The following ABCC10 variants were observed in gnomAD, a reference collection of about 807,000 sequenced individuals.
The protein encoded by ABCC10 is ATP binding cassette subfamily C member 10, also known as ATP-binding cassette sub-family C member 10.
Under a neutral mutation model 143.2 loss-of-function variants are expected in ABCC10, and 110 were observed. The ratio of observed to expected loss-of-function variants is 0.77; its 90% CI spans 0.66 to 0.90. The LOEUF is 0.90. ABCC10 is among the 40% of genes least tolerant of loss of function. The probability of loss-of-function intolerance (pLI) is 0.00; values close to 1 mark genes in which losing one functional copy is unlikely to be tolerated. For synonymous variants in ABCC10, 805 were observed against 846.7 expected (o/e 0.95, Z 0.85); for missense variants, 1,700 against 1,900.5 (o/e 0.89, Z 1.96).
chr6:43,429,434 T>C lies in ABCC10; in HGVS notation c.161+1295T>C, dbSNP rs150031068. On this transcript the variant is annotated intron_variant, in intron 2 of 21. Transcript: ENST00000372530. ...TGGCGGGGGGGAGGGGGGATTGTTA[T>C]TGTTGTTTTGTTTTTTGAGGCAGCG... 5.6e-3 allele frequency among the ~76,000 whole-genome samples: 803 copies of C among 142,792 alleles called. 5 individuals are homozygous for C. Among genetic ancestry groups the C allele is most frequent in the Non-Finnish European group, 8.5e-3 (560 of 65,794 alleles). The allele number at this position is 142,792 out of a possible 152,430, so 93.7% of individuals were successfully genotyped here.
Position 43,444,362 on chromosome 6 carries a change from G to A in ABCC10, c.2689+9G>A, listed in dbSNP as rs776327000. On this transcript the variant is annotated intron_variant, in intron 12 of 21. Coordinates refer to ENST00000372530, the MANE Select transcript of ABCC10 (RefSeq NM_001198934.2). ...TCTGCTTCTCATGCAAGGTGAGAGC[G>A]TGCCTGGGAGTCTCTTACATCGTAA... 1.3e-5 allele frequency: 21 copies of A among 1,590,818 alleles called. No individual in the cohort carries two copies. The highest frequency in any genetic ancestry group is 1.8e-5 in the Admixed American group (1 of 56,262).
chr6:43,429,832 A>G (rs1414873755), intron 2 of ABCC10, among the ~76,000 whole-genome samples: 2 of 152,186 alleles, frequency 1.3e-5, no homozygotes, highest in African/African-American at 4.8e-5. Context: ...CCTGGTCAAC[A>G]TGGTGAAACC....
Position 43,444,203 on chromosome 6 carries a change from C to G in ABCC10, c.2539C>G (p.Leu847Val), listed in dbSNP as rs148750882. ...VQNPEKTKEG[L>V]EEEQSTSGRL... ...GAACCCAGAGAAAACAAAGGAGGGG[C>G]TGGAGGAGGAGCAGAGCACATCTGG... Residue 847 changes from leucine (L) to valine (V), a missense_variant, in exon 12 of 22, where the codon CTG becomes GTG. Leu to Val is a conservative substitution (Grantham distance 32). Coordinates refer to ENST00000372530, the MANE Select transcript of ABCC10 (RefSeq NM_001198934.2). 5.0e-6 allele frequency: 8 copies of G among 1,613,980 alleles called. No homozygotes were observed. Among genetic ancestry groups the G allele is most frequent in the Middle Eastern group, 1.7e-4 (1 of 6,060 alleles).
At chr6:43,437,036 C>G (rs1182729828) in intron 6 of ABCC10, among the ~76,000 whole-genome samples, 3 of 152,092 alleles carry the variant, frequency 2.0e-5, no homozygotes, top group African/African-American at 4.8e-5. Context: ...TTGCAGAATC[C>G]AAAGGCAGGA....
At position 43,432,802 on chromosome 6, in the gene ABCC10, G is replaced by C; in HGVS notation, c.822G>C (p.Trp274Cys). Residue 274 changes from tryptophan (W) to cysteine (C), a missense_variant, in exon 3 of 22, where the codon TGG becomes TGC. Transcript: ENST00000372530. ...QAHWQEGARLWRALYGAFGRC... is the reference protein window; with the variant it reads ...QAHWQEGARLCRALYGAFGRC... ...ACTGGCAGGAGGGGGCACGGCTGTGGAGGGCCTTGTATGGGGCCTTTGGAC... is the reference window on the plus strand; with the variant it reads ...ACTGGCAGGAGGGGGCACGGCTGTGCAGGGCCTTGTATGGGGCCTTTGGAC... 1 of 1,614,206 alleles carries C rather than the reference G, an allele frequency of 6.2e-7. No individual in the cohort carries two copies. The highest frequency in any genetic ancestry group is 8.5e-7 in the Non-Finnish European group (1 of 1,180,042).
intron 9 of ABCC10, 143 bp downstream of exon 9, chr6:43,442,103 C>A: frequency 1.6e-6 from 1 of 632,226 alleles, no homozygotes; most frequent in Admixed American, 2.8e-5. Context: ...GAGGTATTGG[C>A]CATCTCATCC....
chr6:43,443,071 C>T lies in ABCC10; in HGVS notation c.2328C>T (p.Thr776=). Reference sequence around the variant, plus strand: ...GCATCCTGGGCATGCTGAGCTACACCACACGGCTGCTCTGCACCCACCGCA... The same window carrying T: ...GCATCCTGGGCATGCTGAGCTACACTACACGGCTGCTCTGCACCCACCGCA... The part of the protein sequence containing the change: ...HRCILGMLSY[T]TRLLCTHRTE... The change falls in exon 10 of 22, where the codon ACC becomes ACT. Residue 776 remains threonine (T), a synonymous_variant. Transcript: ENST00000372530. This position sits in a 1 kb window ranked among gnomAD's most constrained non-coding sequence, Gnocchi z 4.2. The T allele has an allele frequency of 6.2e-7, 1 of 1,612,810 alleles. No individual in the cohort carries two copies. The highest frequency in any genetic ancestry group is 8.5e-7 in the Non-Finnish European group (1 of 1,179,988).
At position 43,446,624 on chromosome 6, in the gene ABCC10, G is replaced by GACTT. The variant is rs544600725; in HGVS notation, c.3544+179_3544+182dup. Reference sequence around the variant, plus strand: ...AGTTGAGGAGACAATCCCCAGGAGGGACTTGCCCAGGTGGTGGTGGCTTGG... The same window carrying GACTT: ...AGTTGAGGAGACAATCCCCAGGAGGGACTTACTTGCCCAGGTGGTGGTGGCTTGG... On this transcript the variant is annotated intron_variant, in intron 16 of 21. Transcript: ENST00000372530. 251 of 985,280 alleles carry GACTT rather than the reference G, an allele frequency of 2.5e-4. No homozygotes were observed. In the African/African-American group the frequency reaches 4.0e-3, roughly 16 times the overall value. The allele number at this position is 985,280 out of a possible 1,614,324, so 61.0% of individuals were successfully genotyped here.
At chr6:43,449,906 A>G in intron 21 of ABCC10, 23 bp from the exon 22 acceptor site, 1 of 1,613,740 alleles carries the variant, frequency 6.2e-7, no homozygotes, top group South Asian at 1.1e-5. Context: ...CATCCCCTAC[A>G]CTGACCATCT....
rs1306528519 is a variant in ABCC10, at chr6:43,431,653, C to T, written c.162-489C>T. 5.2e-5 allele frequency: 17 copies of T among 324,000 alleles called. 1 individual carries two copies. Among genetic ancestry groups the T allele is most frequent in the Non-Finnish European group, 6.7e-5 (15 of 225,354 alleles). The allele number at this position is 324,000 out of a possible 1,614,324, so 20.1% of individuals were successfully genotyped here. ...CTAGGATTACAGGCGTGAGCCACGG[C>T]GCCCAGCCTGGATTTTTTTTAAAAT... is the stretch of plus-strand genomic sequence containing the variant. On this transcript the variant is annotated intron_variant, in intron 2 of 21. Transcript: ENST00000372530.
At chr6:43,433,685 C>T (rs1781377006) in intron 3 of ABCC10, among the ~76,000 whole-genome samples, 1 of 152,166 alleles carries the variant, frequency 6.6e-6, no homozygotes, top group South Asian at 2.1e-4. Flanking sequence ...TACATGTGGC[C>T]ACCCTGGGAG....
Position 43,434,769 on chromosome 6 carries a change from G to A in ABCC10, c.1529G>A (p.Trp510Ter). Residue 510 changes from tryptophan to a stop codon, truncating the protein, a stop_gained, in exon 4 of 22, where the codon TGG (tryptophan) becomes TAG (stop). Transcript: ENST00000372530. LOFTEE classifies it high-confidence loss of function. Reference sequence around the variant, plus strand: ...CTGGATGCGGCCTGTGTATACCTGTGGGCTGCCCTACCGGTTGTCATCTCC... The same window carrying A: ...CTGGATGCGGCCTGTGTATACCTGTAGGCTGCCCTACCGGTTGTCATCTCC... ...KYLDAACVYL[W>*]AALPVVISIV... The A allele has an allele frequency of 6.2e-7, 1 of 1,614,154 alleles. No individual in the cohort carries two copies. The highest frequency in any genetic ancestry group is 8.5e-7 in the Non-Finnish European group (1 of 1,180,022).
At chr6:43,445,452 C>A in intron 14 of ABCC10, 138 bp downstream of exon 14, 5 of 1,350,334 alleles carry the variant, frequency 3.7e-6, no homozygotes, top group South Asian at 1.4e-5. Flanking sequence ...GCCAATCTCT[C>A]TTCTCTGCCC....
At chr6:43,431,207 AG>A (rs1581700417) in intron 2 of ABCC10, among the ~76,000 whole-genome samples, 1 of 152,176 alleles carries the variant, frequency 6.6e-6, no homozygotes, top group African/African-American at 2.4e-5. Flanking sequence ...GCCTTTATAA[AG>A]TTTAGGCTAC....
rs141254177 is a variant in ABCC10, at chr6:43,434,712, G to A, written c.1472G>A (p.Arg491Gln). ...LGARVEACRA[R>Q]ELGRLRVIKY... The stretch of plus-strand genomic sequence containing the variant: ...GCCCGAGTAGAGGCCTGCCGGGCTC[G>A]AGAGCTGGGGCGACTCCGGGTCATC... Residue 491 changes from arginine to glutamine, a missense_variant, in exon 4 of 22, where the codon CGA (arginine) becomes CAA (glutamine). By Grantham distance (43) the Arg-to-Gln change is conservative (BLOSUM62 1). Transcript: ENST00000372530. The A allele has an allele frequency of 7.2e-5, 117 of 1,614,038 alleles. No individual in the cohort carries two copies. The highest frequency in any genetic ancestry group is 8.3e-5 in the Admixed American group (5 of 60,000).
chr6:43,444,852 C>T lies in ABCC10; in HGVS notation c.2754C>T (p.Ser918=). Residue 918 remains serine, a synonymous_variant, in exon 13 of 22, where the codon AGC becomes AGT. Coordinates refer to ENST00000372530, the MANE Select transcript of ABCC10 (RefSeq NM_001198934.2). ...HWISQLKAEN[S]SQEAQPSTSP... ...TCTCTCAGCTGAAGGCTGAGAATAG[C>T]TCCCAGGAGGCGCAACCCTCCACCA... 1 of 1,613,996 alleles carries T rather than the reference C, an allele frequency of 6.2e-7. No individual in the cohort carries two copies. Among genetic ancestry groups the T allele is most frequent in the Non-Finnish European group, 8.5e-7 (1 of 1,179,914 alleles).
At chr6:43,449,086 A>G in intron 19 of ABCC10, 21 bp from the exon 20 acceptor site, 1 of 1,614,080 alleles carries the variant, frequency 6.2e-7, no homozygotes, top group Non-Finnish European at 8.5e-7. Flanking sequence ...GGGCCCTGCA[A>G]CGAAGATGCT....
intron 12 of ABCC10, 110 bp downstream of exon 12, chr6:43,444,463 A>G (rs1198244172): frequency 5.3e-6 from 7 of 1,319,362 alleles, no homozygotes; most frequent in Non-Finnish European, 7.1e-6. Context: ...CATGGGTCAC[A>G]GCTGGGACAA....
At chr6:43,447,179 G>T in intron 16 of ABCC10, 69 bp from the exon 17 acceptor site, 1 of 1,552,160 alleles carries the variant, frequency 6.4e-7, no homozygotes, top group Non-Finnish European at 8.7e-7. Flanking sequence ...GCAGTCCACA[G>T]CCTGGGGAGT....
Sources: allele counts gnomAD v4.1 joint callset (sites outside exome capture counted in the v4.1 genomes callset), GRCh38; gene constraint gnomAD v4.1.1; non-coding constraint Gnocchi (gnomAD v3.1); transcripts MANE v1.5; gene names NCBI Gene and HGNC (gene_info 2026-07-23, HGNC 2026-07-21).